The following SLC5A7 variants were observed in gnomAD, a reference collection of about 807,000 sequenced individuals.
SLC5A7 encodes high affinity choline transporter 1.
A neutral mutation model predicts 55.4 loss-of-function variants in SLC5A7; 19 were observed. That is an observed-to-expected ratio of 0.34 (90% CI 0.24 to 0.50). SLC5A7 has a LOEUF of 0.50. Among genes scored for constraint, SLC5A7 ranks in the 20% least tolerant of loss-of-function variants. SLC5A7 has a pLI of 0.98. For missense variants in SLC5A7, 506 were observed against 705.3 expected, an observed-to-expected ratio of 0.72 and a Z score of 3.20; for synonymous variants, 265 against 263.7, an observed-to-expected ratio of 1.00 and a Z score of -0.05.
intron 3 of SLC5A7, among the ~76,000 whole-genome samples, chr2:107,992,712 T>A (rs941503239): frequency 3.3e-5 from 5 of 152,210 alleles, no homozygotes; most frequent in African/African-American, 9.7e-5. Context: ...GTGAGCAATG[T>A]GCTGGTTCAT....
Position 107,987,038 on chromosome 2 carries a change from C to G in SLC5A7, c.-52+275C>G, listed in dbSNP as rs1677271940. On this transcript the variant is annotated intron_variant, in intron 1 of 8. Coordinates refer to ENST00000264047, the MANE Select transcript of SLC5A7 (RefSeq NM_021815.5). ...AGAGGAACTTGCCTGCTTGGTTGCT[C>G]ACAAAGGCAGAGAAGACACAGCCCG... 3.3e-5 allele frequency among the ~76,000 whole-genome samples: 5 copies of G among 152,132 alleles called. No homozygotes were observed. In the South Asian group the frequency reaches 1.0e-3, roughly 32 times the overall value.
At chr2:107,998,071 A>G (rs541945260) in intron 5 of SLC5A7, 85 bp downstream of exon 5, 2 of 1,346,880 alleles carry the variant, frequency 1.5e-6, no homozygotes, top group African/African-American at 2.9e-5. Context: ...ATGAGTAGAA[A>G]TATTATTTTC....
Position 108,012,547 on chromosome 2 carries a change from G to A in SLC5A7, c.*1686G>A, listed in dbSNP as rs1006520889. 5 of 152,020 alleles carry A rather than the reference G, an allele frequency of 3.3e-5. No individual in the cohort carries two copies. The highest frequency in any genetic ancestry group is 1.2e-4 in the African/African-American group (5 of 41,390). The allele number at this position is 152,020 out of a possible 1,614,324, so 9.4% of individuals were successfully genotyped here. On this transcript the variant is annotated 3_prime_UTR_variant, in exon 9 of 9. Transcript: ENST00000264047. ...TTAATGTCTAGGATAATTTTTAAAA[G>A]AGGAAATTAAATAATTTTACATGTC...
In SLC5A7 at chr2:108,010,338, A is replaced by G. The variant is rs778262881; in HGVS notation, c.1220A>G (p.Tyr407Cys). The G allele has an allele frequency of 4.3e-6, 7 of 1,613,738 alleles. No homozygotes were observed. The highest frequency in any genetic ancestry group is 5.9e-6 in the Non-Finnish European group (7 of 1,179,906). ...ACGAAAACTGTGTATGGGCTCTGGT[A>G]CCTCAGTTCTGACCTTGTTTACATC... The part of the protein sequence containing the change: ...LLTKTVYGLW[Y>C]LSSDLVYIVI... The change falls in exon 9 of 9, where the codon TAC becomes TGC. Residue 407 changes from tyrosine (Y) to cysteine (C), a missense_variant. Tyr to Cys is a radical substitution (Grantham distance 194). This residue lies in a region of SLC5A7 where 309 missense variants were observed against 478.6 expected (regional missense o/e 0.65). Coordinates refer to ENST00000264047, the MANE Select transcript of SLC5A7 (RefSeq NM_021815.5).
intron 4 of SLC5A7, among the ~76,000 whole-genome samples, chr2:107,994,513 G>C (rs1367927510): frequency 1.3e-5 from 2 of 152,140 alleles, no homozygotes; most frequent in Non-Finnish European, 2.9e-5. Context: ...GTGAACCCGG[G>C]AGGCAGAGCT....
intron 6 of SLC5A7, among the ~76,000 whole-genome samples, chr2:108,003,588 C>T (rs1677999330): frequency 6.6e-6 from 1 of 152,144 alleles, no homozygotes; most frequent in South Asian, 2.1e-4. Flanking sequence ...GTGAAGATGA[C>T]TTGTCAAGTC....
intron 1 of SLC5A7, among the ~76,000 whole-genome samples, chr2:107,987,831 A>G (rs1677306089): frequency 6.6e-6 from 1 of 152,240 alleles, no homozygotes; most frequent in Non-Finnish European, 1.5e-5. Context: ...TAAAGCATGT[A>G]TGAAACACAC....
chr2:108,005,497 G>T (rs796400860), intron 6 of SLC5A7, among the ~76,000 whole-genome samples: 1 of 152,198 alleles, frequency 6.6e-6, no homozygotes, highest in African/African-American at 2.4e-5. Context: ...AATAATTGCT[G>T]TATGTAATTA....
chr2:108,005,071 G>A lies in SLC5A7; in HGVS notation c.742-978G>A, dbSNP rs75768986. Among the ~76,000 whole-genome samples, 54 of 152,162 alleles carry A rather than the reference G, an allele frequency of 3.5e-4. No individual in the cohort carries two copies. The East Asian group carries it at 9.8e-3, about 28-fold the overall frequency. The stretch of plus-strand genomic sequence containing the variant: ...AGTTGCTTATATATTCTGTACTAAC[G>A]TATGATGTAAATCATTTAATAAAAG... On this transcript the variant is annotated intron_variant, in intron 6 of 8. Transcript: ENST00000264047.
chr2:108,002,611 C>T (rs867157753), intron 6 of SLC5A7, among the ~76,000 whole-genome samples: 8 of 152,160 alleles, frequency 5.3e-5, no homozygotes, highest in South Asian at 2.1e-4. Flanking sequence ...AGATAATGGC[C>T]GATCCCATTG....
chr2:107,997,895 C>T lies in SLC5A7; in HGVS notation c.506C>T (p.Ala169Val). 6.2e-7 allele frequency: 1 copy of T among 1,613,940 alleles called. No homozygotes were observed. The highest frequency in any genetic ancestry group is 8.5e-7 in the Non-Finnish European group (1 of 1,179,880). ...ATGCACATTTCTGTCATCATCTCTG[C>T]ACTCATTGCCACTCTGTACACACTG... ...VDMHISVIIS[A>V]LIATLYTLVG... Residue 169 changes from alanine to valine, a missense_variant, in exon 5 of 9, where the codon GCA (alanine) becomes GTA (valine). Physicochemically the swap from Ala to Val is moderately conservative, Grantham distance 64. Coordinates refer to ENST00000264047, the MANE Select transcript of SLC5A7 (RefSeq NM_021815.5).
chr2:108,000,350 A>T (rs557860867), intron 5 of SLC5A7, among the ~76,000 whole-genome samples: 3 of 152,194 alleles, frequency 2.0e-5, no homozygotes, highest in Non-Finnish European at 4.4e-5. Context: ...TCCCTTAAGG[A>T]ATGGATATCT....
chr2:108,003,617 G>T (rs1678000363), intron 6 of SLC5A7, among the ~76,000 whole-genome samples: 1 of 152,128 alleles, frequency 6.6e-6, no homozygotes, highest in African/African-American at 2.4e-5. Context: ...GATACTGTCA[G>T]TGTATCTCCT....
rs1678332433 is a variant in SLC5A7, at chr2:108,011,616, C to T, written c.*755C>T. On this transcript the variant is annotated 3_prime_UTR_variant, in exon 9 of 9. Transcript: ENST00000264047. ...TTAAGCAACCTTAAAGCAATAAGTT[C>T]ATTAAACAGAAGGTAATAGGAAGAA... is the stretch of plus-strand genomic sequence containing the variant. 6.6e-6 allele frequency: 1 copy of T among 152,034 alleles called. No homozygotes were observed. The highest frequency in any genetic ancestry group is 1.5e-5 in the Non-Finnish European group (1 of 67,994). The allele number at this position is 152,034 out of a possible 1,614,324, so 9.4% of individuals were successfully genotyped here. A position where few individuals can be genotyped will look rare whatever the true frequency, so the allele number is the denominator to read the frequency against.
In SLC5A7 at chr2:108,010,398, T is replaced by C; in HGVS notation, c.1280T>C (p.Val427Ala). 1.2e-6 allele frequency: 2 copies of C among 1,613,980 alleles called. No homozygotes were observed. Among genetic ancestry groups the C allele is most frequent in the South Asian group, 2.2e-5 (2 of 91,080 alleles). ...CCCCAGCTGCTTTGTGTACTCTTTGTTAAGGGAACCAACACCTATGGGGCC... is the reference window on the plus strand; with the variant it reads ...CCCCAGCTGCTTTGTGTACTCTTTGCTAAGGGAACCAACACCTATGGGGCC... The part of the protein sequence containing the change: ...IFPQLLCVLF[V>A]KGTNTYGAVA... Residue 427 changes from valine (V) to alanine (A), a missense_variant, in exon 9 of 9, where the codon GTT (valine) becomes GCT (alanine). Coordinates refer to ENST00000264047, the MANE Select transcript of SLC5A7 (RefSeq NM_021815.5).
chr2:107,992,351 G>A, intron 3 of SLC5A7, 132 bp downstream of exon 3: 1 of 494,358 alleles, frequency 2.0e-6, no homozygotes, highest in South Asian at 3.3e-5. Context: ...GATCTTTAAG[G>A]AGTCATTACC....
At chr2:107,995,451 G>C (rs1423020837) in intron 4 of SLC5A7, among the ~76,000 whole-genome samples, 1 of 106,244 alleles carries the variant, frequency 9.4e-6, no homozygotes, top group Non-Finnish European at 2.0e-5. Flanking sequence ...TTGGGAGAGA[G>C]AGAGAGAGAG....
chr2:107,999,480 GT>G (rs1248845603), intron 5 of SLC5A7, among the ~76,000 whole-genome samples: 13 of 152,170 alleles, frequency 8.5e-5, no homozygotes, highest in Admixed American at 8.5e-4. Flanking sequence ...GTATGCAAGT[GT>G]AAAGATGACA....
intron 7 of SLC5A7, 67 bp from the exon 8 acceptor site, chr2:108,008,398 G>A: frequency 8.1e-7 from 1 of 1,235,690 alleles, no homozygotes; most frequent in South Asian, 1.4e-5. Context: ...TAAATAGGAT[G>A]ACCCCAGATG....
Sources: gnomAD v4.1 joint callset for allele counts (sites outside exome capture counted in the v4.1 genomes callset) on GRCh38, gnomAD v4.1.1 for gene constraint, gnomAD v4.1.1 regional missense constraint, MANE v1.5 for transcripts, NCBI Gene and HGNC (gene_info 2026-07-23, HGNC 2026-07-21) for gene names.